The following JAKMIP3 variants were observed in gnomAD, a reference collection of about 807,000 sequenced individuals.
The protein encoded by JAKMIP3 is janus kinase and microtubule-interacting protein 3.
A neutral mutation model predicts 118.5 loss-of-function variants in JAKMIP3; 58 were observed. That is an observed-to-expected ratio of 0.49 (90% CI 0.40 to 0.61). The LOEUF is 0.61. Ranked by LOEUF, JAKMIP3 falls within the 20% of genes least tolerant of loss-of-function variation. The probability of loss-of-function intolerance (pLI) is 0.00; values close to 1 mark genes in which losing one functional copy is unlikely to be tolerated. For missense variants in JAKMIP3, 950 were observed against 1,109.0 expected (o/e 0.86, Z 2.04); for synonymous variants, 486 against 451.2 (o/e 1.08, Z -0.98).
chr10:132,144,136 C>T (rs2054126894), intron 11 of JAKMIP3: 2 of 143,846 alleles, frequency 1.4e-5, no homozygotes, highest in African/African-American at 5.2e-5. Flanking sequence ...GAGCAGGAGC[C>T]ACTGTGGCCC....
intron 1 of JAKMIP3, among the ~76,000 whole-genome samples, chr10:132,079,136 A>G (rs11146149): frequency 0.78 from 118,452 of 152,104 alleles, 47,362 homozygotes; most frequent in East Asian, 1. Flanking sequence ...CAACGTGGGC[A>G]CCTGGCCTGG....
In JAKMIP3 at chr10:132,179,503, A is replaced by T. The variant is rs1467711005; in HGVS notation, c.*1104-2854A>T. Reference sequence around the variant, plus strand: ...GGAACCCTTACTGTGGCACTGATACACTCACATAAACATTTGCCACGTGAA... The same window carrying T: ...GGAACCCTTACTGTGGCACTGATACTCTCACATAAACATTTGCCACGTGAA... On this transcript the variant is annotated intron_variant, in intron 23 of 23. Transcript: ENST00000684848. This position sits in a 1 kb window ranked among gnomAD's most constrained non-coding sequence, Gnocchi z 4.3. Among the ~76,000 whole-genome samples, 1 of 152,070 alleles carries T rather than the reference A, an allele frequency of 6.6e-6. No individual in the cohort carries two copies. The highest frequency in any genetic ancestry group is 6.5e-5 in the Admixed American group (1 of 15,268).
intron 1 of JAKMIP3, among the ~76,000 whole-genome samples, chr10:132,083,946 A>G (rs1283727855): frequency 6.6e-6 from 1 of 152,140 alleles, no homozygotes; most frequent in Non-Finnish European, 1.5e-5. Flanking sequence ...GCCTTATAGT[A>G]TAGTTTGAAA....
rs191071553 is a variant in JAKMIP3 at position 132,180,937 on chromosome 10, G to A, written c.*1104-1420G>A. On this transcript the variant is annotated intron_variant, in intron 23 of 23. Transcript: ENST00000684848. ...TGCCTGTATGTGTATTTTGCATTGT[G>A]TGTACACATGTACAGTGCATTTGTG... 7.2e-5 allele frequency among the ~76,000 whole-genome samples: 11 copies of A among 152,250 alleles called. No homozygotes were observed. The East Asian group carries it at 1.9e-3, about 27-fold the overall frequency.
intron 16 of JAKMIP3, among the ~76,000 whole-genome samples, chr10:132,150,800 A>G (rs181192254): frequency 5.6e-5 from 8 of 142,620 alleles, no homozygotes; most frequent in African/African-American, 1.2e-4. Flanking sequence ...TCATTTATCC[A>G]TCCTCCATAA....
intron 1 of JAKMIP3, among the ~76,000 whole-genome samples, chr10:132,103,287 CCTT>C (rs989169629): frequency 6.6e-6 from 1 of 151,166 alleles, no homozygotes; most frequent in Non-Finnish European, 1.5e-5. Flanking sequence ...CACCGGGGGT[CCTT>C]GACCCTCTGG....
chr10:132,156,229 C>T (rs1167818383), intron 19 of JAKMIP3, among the ~76,000 whole-genome samples: 1 of 152,178 alleles, frequency 6.6e-6, no homozygotes, highest in South Asian at 2.1e-4. Flanking sequence ...CAGTCTCTGT[C>T]CCCCGAAGCT....
rs1433824172 is a variant in JAKMIP3, at chr10:132,182,968, A to G, written c.*1715A>G. On this transcript the variant is annotated 3_prime_UTR_variant, in exon 24 of 24. Coordinates refer to ENST00000684848, the MANE Select transcript of JAKMIP3 (RefSeq NM_001323087.2). The stretch of plus-strand genomic sequence containing the variant: ...GACCCATCCATTTCTGTTGTCATTC[A>G]AGCCACAGTTCCTGATTTACTCGGC... 1 of 152,172 alleles carries G rather than the reference A, an allele frequency of 6.6e-6. No homozygotes were observed. The highest frequency in any genetic ancestry group is 1.5e-5 in the Non-Finnish European group (1 of 68,026). 9.4% of individuals were successfully genotyped at this position (152,172 alleles called of 1,614,324 possible). A position where few individuals can be genotyped will look rare whatever the true frequency, so the allele number is the denominator to read the frequency against.
At chr10:132,100,738 ATTTCAT>A (rs1468561387) in intron 1 of JAKMIP3, among the ~76,000 whole-genome samples, 1 of 151,962 alleles carries the variant, frequency 6.6e-6, no homozygotes, top group Non-Finnish European at 1.5e-5. Context: ...CCCCAACATC[ATTTCAT>A]TTTAGGATGC....
Position 132,139,582 on chromosome 10 carries a change from G to A in JAKMIP3, c.1345-869G>A, listed in dbSNP as rs553122350. 4.9e-4 allele frequency among the ~76,000 whole-genome samples: 66 copies of A among 133,514 alleles called. No individual in the cohort carries two copies. The East Asian group carries it at 0.012, about 24-fold the overall frequency. The allele number at this position is 133,514 out of a possible 152,430, so 87.6% of individuals were successfully genotyped here. A position where few individuals can be genotyped will look rare whatever the true frequency, so the allele number is the denominator to read the frequency against. On this transcript the variant is annotated intron_variant, in intron 9 of 23. Transcript: ENST00000684848. ...GCTGTTAGACTGTGAGATGCTCCTC[G>A]GTCACAAACACTTGCCCTCTGAAAG... is the stretch of plus-strand genomic sequence containing the variant.
rs186021246 is a variant in JAKMIP3 at position 132,135,325 on chromosome 10, A to G, written c.969+165A>G. On this transcript the variant is annotated intron_variant, in intron 5 of 23. Coordinates refer to ENST00000684848, the MANE Select transcript of JAKMIP3 (RefSeq NM_001323087.2). The stretch of plus-strand genomic sequence containing the variant: ...GTGTTCCAGTTGAACTTTATTAGCA[A>G]AAACAGGTAGGGGTCACATTTGCCC... Among the ~76,000 whole-genome samples, 6 of 152,294 alleles carry G rather than the reference A, an allele frequency of 3.9e-5. 1 individual carries two copies. The East Asian group carries it at 1.2e-3, about 29-fold the overall frequency.
chr10:132,175,741 T>G (rs1397352367), intron 23 of JAKMIP3, among the ~76,000 whole-genome samples: 1 of 152,222 alleles, frequency 6.6e-6, no homozygotes, highest in East Asian at 1.9e-4. Context: ...TTGGTCATCT[T>G]AAAATCCAGG....
intron 1 of JAKMIP3, among the ~76,000 whole-genome samples, chr10:132,093,546 G>T (rs2043390158): frequency 6.6e-6 from 1 of 152,210 alleles, no homozygotes; most frequent in African/African-American, 2.4e-5. Flanking sequence ...CCAGGCACGG[G>T]ATATAATCTC....
chr10:132,091,769 A>G (rs1208649797), intron 1 of JAKMIP3, among the ~76,000 whole-genome samples: 1 of 152,226 alleles, frequency 6.6e-6, no homozygotes, highest in Non-Finnish European at 1.5e-5. Flanking sequence ...TAGCCCATTT[A>G]CATTTAAAAT....
intron 9 of JAKMIP3, 122 bp downstream of exon 9, chr10:132,138,300 C>T (rs2052332716): frequency 8.4e-6 from 7 of 829,812 alleles, no homozygotes; most frequent in African/African-American, 4.2e-5. Context: ...ACGTGGAGGG[C>T]GCTGGGTGTG....
At chr10:132,036,897 G>T (rs998116345) in intron 1 of JAKMIP3, among the ~76,000 whole-genome samples, 2 of 152,050 alleles carry the variant, frequency 1.3e-5, no homozygotes, top group African/African-American at 4.8e-5. Flanking sequence ...CCTGTCTGGG[G>T]CGGGGTCCTC....
chr10:132,148,540 G>GCCCCCA (rs2055158987), intron 14 of JAKMIP3, among the ~76,000 whole-genome samples: 4 of 151,706 alleles, frequency 2.6e-5, no homozygotes, highest in South Asian at 2.1e-4. Context: ...ATCCGCCCCC[G>GCCCCCA]TGGCCCTGCT....
At chr10:132,135,903 A>T in intron 5 of JAKMIP3, 27 bp from the exon 6 acceptor site, 2 of 1,599,714 alleles carry the variant, frequency 1.3e-6, no homozygotes, top group Non-Finnish European at 1.7e-6. Context: ...CACTTAAAGA[A>T]CAATCACATA....
chr10:132,071,160 A>AGTGTGTGTGTGTGT lies in JAKMIP3; in HGVS notation c.-138+5118_-138+5131dup, dbSNP rs3068079. ...TTCTTTCACCTATGGGTCATTTAAAAGTGTGTGTGTGTGTGTGTGTGTGTG... is the reference window on the plus strand; with the variant it reads ...TTCTTTCACCTATGGGTCATTTAAAAGTGTGTGTGTGTGTGTGTGTGTGTGTGTGTGTGTGTGTG... On this transcript the variant is annotated intron_variant, in intron 1 of 23. Coordinates refer to ENST00000684848, the MANE Select transcript of JAKMIP3 (RefSeq NM_001323087.2). Among the ~76,000 whole-genome samples the AGTGTGTGTGTGTGT allele has an allele frequency of 1.3e-4, 19 of 149,154 alleles. No homozygotes were observed. In the East Asian group the frequency reaches 2.0e-3, roughly 15 times the overall value.
Sources: allele counts gnomAD v4.1 joint callset (sites outside exome capture counted in the v4.1 genomes callset), GRCh38; gene constraint gnomAD v4.1.1; non-coding constraint Gnocchi (gnomAD v3.1); transcripts MANE v1.5; gene names NCBI Gene and HGNC (gene_info 2026-07-23, HGNC 2026-07-21).